The following ATP2B1 variants were observed in gnomAD, a reference collection of about 807,000 sequenced individuals.
ATP2B1 encodes the protein plasma membrane calcium-transporting ATPase 1.
In ATP2B1, 14 loss-of-function variants were observed where a neutral mutation model predicts 124.2. The observed-to-expected ratio is 0.11, with a 90% CI of 0.07 to 0.18. The LOEUF (loss-of-function observed/expected upper bound fraction) is 0.18. ATP2B1 is among the 10% of genes least tolerant of loss of function. ATP2B1 has a pLI of 1.00. For missense variants in ATP2B1, 763 were observed against 1,466.1 expected, an observed-to-expected ratio of 0.52 and a Z score of 7.83; for synonymous variants, 449 against 492.4, an observed-to-expected ratio of 0.91 and a Z score of 1.17.
chr12:89,676,235 T>C (rs1282692228), intron 1 of ATP2B1, among the ~76,000 whole-genome samples: 1 of 152,126 alleles, frequency 6.6e-6, no homozygotes, highest in African/African-American at 2.4e-5. Context: ...CAACAATAAA[T>C]AGTTTCTGAA....
intron 20 of ATP2B1, chr12:89,594,715 T>A (rs1874246887): frequency 6.6e-6 from 1 of 151,642 alleles, no homozygotes; most frequent in South Asian, 2.1e-4. Context: ...ATATATGAAA[T>A]ATAACAAATC....
At chr12:89,674,209 T>C (rs1402355612) in intron 1 of ATP2B1, among the ~76,000 whole-genome samples, 1 of 152,186 alleles carries the variant, frequency 6.6e-6, no homozygotes, top group African/African-American at 2.4e-5. Flanking sequence ...AACTACTAAT[T>C]ACACAATTTA....
chr12:89,617,818 G>A (rs1008662111), intron 11 of ATP2B1, among the ~76,000 whole-genome samples: 6 of 152,124 alleles, frequency 3.9e-5, no homozygotes, highest in Admixed American at 3.3e-4. Flanking sequence ...TGAAAGACTG[G>A]AAGCTGCCTC....
At chr12:89,633,426 A>G (rs942212774) in intron 5 of ATP2B1, among the ~76,000 whole-genome samples, 21 of 151,590 alleles carry the variant, frequency 1.4e-4, no homozygotes, top group Admixed American at 1.3e-4. Context: ...AGCATTACGT[A>G]TATCTCCTAA....
rs1436510629 is a variant in ATP2B1, at chr12:89,588,420, T to C, written c.*2564A>G. The C allele has an allele frequency of 6.6e-6, 1 of 152,572 alleles. No homozygotes were observed. Among genetic ancestry groups the C allele is most frequent in the Non-Finnish European group, 1.5e-5 (1 of 68,010 alleles). 9.5% of individuals were successfully genotyped at this position (152,572 alleles called of 1,614,324 possible). ...TGAGGAGAAAAGGATTTTTAAAAAA[T>C]ATACAAAGATTAAAAACATTTGGGA... On this transcript the variant is annotated 3_prime_UTR_variant, in exon 21 of 21. Transcript: ENST00000428670.
chr12:89,594,220 GA>G (rs1321559444), intron 20 of ATP2B1: 1 of 151,918 alleles, frequency 6.6e-6, no homozygotes, highest in Non-Finnish European at 1.5e-5. Flanking sequence ...AAGAACATAA[GA>G]AAGCACTCTT....
chr12:89,612,857 C>T (rs1199361073), intron 12 of ATP2B1, among the ~76,000 whole-genome samples: 5 of 152,132 alleles, frequency 3.3e-5, no homozygotes, highest in Non-Finnish European at 7.3e-5. Context: ...ACCTAGTATA[C>T]CTTTTGTTCA....
At chr12:89,610,068 T>G in intron 14 of ATP2B1, 25 bp from the exon 15 acceptor site, 1 of 1,581,050 alleles carries the variant, frequency 6.3e-7, no homozygotes, top group South Asian at 1.1e-5. Flanking sequence ...AATATTTGTG[T>G]TATAAAAACA....
At chr12:89,593,572 A>T (rs1206202564) in intron 20 of ATP2B1, 1 of 152,082 alleles carries the variant, frequency 6.6e-6, no homozygotes, top group African/African-American at 2.4e-5. Context: ...AAACATGTTA[A>T]ATTTGGAAAA....
intron 1 of ATP2B1, among the ~76,000 whole-genome samples, chr12:89,675,592 C>A (rs575209203): frequency 1.3e-4 from 20 of 152,216 alleles, no homozygotes; most frequent in Admixed American, 2.6e-4. Flanking sequence ...TAGAAAAACA[C>A]AGAAATATAA....
chr12:89,706,108 G>GT (rs1892423359), intron 1 of ATP2B1, among the ~76,000 whole-genome samples: 1 of 152,116 alleles, frequency 6.6e-6, no homozygotes, highest in Non-Finnish European at 1.5e-5. Context: ...TGTCACTACA[G>GT]TAACTCTTTT....
chr12:89,602,593 G>C (rs2135939013), intron 18 of ATP2B1, among the ~76,000 whole-genome samples: 2 of 152,174 alleles, frequency 1.3e-5, no homozygotes, highest in South Asian at 4.1e-4. Flanking sequence ...GATTTTAGTA[G>C]AGATATAAAA....
chr12:89,617,746 G>C (rs994718249), intron 11 of ATP2B1, among the ~76,000 whole-genome samples: 2 of 152,056 alleles, frequency 1.3e-5, no homozygotes, highest in African/African-American at 4.8e-5. Context: ...GTTTTTCAAA[G>C]CTTTCCATCA....
At chr12:89,656,726 A>G (rs12579302) in intron 1 of ATP2B1, among the ~76,000 whole-genome samples, 22,947 of 152,156 alleles carry the variant, frequency 0.15, 2,091 homozygotes, top group South Asian at 0.36. Context: ...ACTATACTCT[A>G]TATGATTTGT....
chr12:89,596,052 C>T (rs1260883846), intron 20 of ATP2B1, among the ~76,000 whole-genome samples: 1 of 151,948 alleles, frequency 6.6e-6, no homozygotes, highest in Non-Finnish European at 1.5e-5. Context: ...GAGGTGTGTG[C>T]ATATATGTGT....
intron 13 of ATP2B1, 127 bp downstream of exon 13, chr12:89,611,066 G>T: frequency 3.5e-6 from 3 of 845,558 alleles, no homozygotes; most frequent in Non-Finnish European, 3.4e-6. Flanking sequence ...TGCTTCCTAA[G>T]GTATAGACTG....
intron 1 of ATP2B1, among the ~76,000 whole-genome samples, chr12:89,684,894 T>G (rs1257416321): frequency 6.6e-6 from 1 of 152,164 alleles, no homozygotes; most frequent in African/African-American, 2.4e-5. Context: ...ACAGTTGTAT[T>G]TCTACAGAAA....
intron 2 of ATP2B1, among the ~76,000 whole-genome samples, 157 bp from the exon 3 acceptor site, chr12:89,642,512 T>C (rs1192170680): frequency 1.3e-5 from 2 of 152,224 alleles, no homozygotes; most frequent in Non-Finnish European, 2.9e-5. Context: ...GAAAAACATG[T>C]GCAGGTCTTT....
At chr12:89,647,523 G>A (rs529203016) in intron 2 of ATP2B1, among the ~76,000 whole-genome samples, 11 of 152,272 alleles carry the variant, frequency 7.2e-5, no homozygotes, top group South Asian at 2.1e-4. Context: ...AAAGTGGGGG[G>A]AATTTACTGG....
Sources: allele counts gnomAD v4.1 joint callset (sites outside exome capture counted in the v4.1 genomes callset), GRCh38; gene constraint gnomAD v4.1.1; transcripts MANE v1.5; gene names NCBI Gene and HGNC (gene_info 2026-07-23, HGNC 2026-07-21).